Variants in ABLIM2 observed in about 807,000 individuals in gnomAD.
ABLIM2 encodes the protein actin binding LIM protein family member 2.
Under a neutral mutation model 97.7 loss-of-function variants are expected in ABLIM2, and 53 were observed. That is an observed-to-expected ratio of 0.54 (90% confidence interval 0.44 to 0.68). The LOEUF (loss-of-function observed/expected upper bound fraction) is 0.68. ABLIM2 is among the 30% of genes least tolerant of loss of function. The pLI is 0.00. For synonymous variants in ABLIM2, 361 were observed against 345.8 expected (o/e 1.04, Z -0.49); for missense variants, 835 against 867.2 (o/e 0.96, Z 0.47).
Position 8,061,207 on chromosome 4 carries a change from G to A in ABLIM2, c.676-153C>T, listed in dbSNP as rs1489160348. On this transcript the variant is annotated intron_variant, in intron 6 of 20. Transcript: ENST00000447017. This position sits in a 1 kb window ranked among gnomAD's most constrained non-coding sequence, Gnocchi z 4.5. The stretch of plus-strand genomic sequence containing the variant: ...CACCATCGGGACCCAAGACCCCTGA[G>A]CAGAGCCCAGACCCGGGGGTGCCCC... 8.8e-6 allele frequency among the ~76,000 whole-genome samples: 1 copy of A among 114,044 alleles called. No individual in the cohort carries two copies. The highest frequency in any genetic ancestry group is 1.7e-5 in the Non-Finnish European group (1 of 57,370). The allele number at this position is 114,044 out of a possible 152,430, so 74.8% of individuals were successfully genotyped here.
At chr4:8,052,865 C>T (rs1184449711) in intron 8 of ABLIM2, among the ~76,000 whole-genome samples, 1 of 152,224 alleles carries the variant, frequency 6.6e-6, no homozygotes, top group Non-Finnish European at 1.5e-5. Flanking sequence ...TCACTCAGGA[C>T]CCCCAAGGTA....
In ABLIM2 at chr4:7,983,651, C is replaced by A. The variant is rs570252438; in HGVS notation, c.1736-97G>T. 7.6e-6 allele frequency: 11 copies of A among 1,448,930 alleles called. No homozygotes were observed. The African/African-American group carries it at 8.4e-5, about 11-fold the overall frequency. The allele number at this position is 1,448,930 out of a possible 1,614,324, so 89.8% of individuals were successfully genotyped here. A position where few individuals can be genotyped will look rare whatever the true frequency, so the allele number is the denominator to read the frequency against. ...TCCCTGCCCTGGGGTACCCCTGTCT[C>A]CCCCCTGCAGTCACCTGGGCCATGC... On this transcript the variant is annotated intron_variant, in intron 18 of 20. Coordinates refer to ENST00000447017, the MANE Select transcript of ABLIM2 (RefSeq NM_001130083.2).
chr4:8,056,112 C>CAAAAAAAAAAAAAAAAAAAAAAAAAA (rs60992903), intron 7 of ABLIM2, among the ~76,000 whole-genome samples: 2 of 68,334 alleles, frequency 2.9e-5, no homozygotes, highest in African/African-American at 6.8e-5. Context: ...GACTCTGTCT[C>CAAAAAAAAAAAAAAAAAAAAAAAAAA]AAAAAAAAAA....
rs1052736162 is a variant in ABLIM2 at position 8,148,950 on chromosome 4, G to A, written c.10+9730C>T. ...ACCCGGGATCTGGAGGCACCAGGGA[G>A]AGTCCAGCTGTGCCAAGGCCCAGGG... On this transcript the variant is annotated intron_variant, in intron 1 of 20. Transcript: ENST00000447017. This position sits in a 1 kb window ranked among gnomAD's most constrained non-coding sequence, Gnocchi z 6.7. 2.0e-5 allele frequency among the ~76,000 whole-genome samples: 3 copies of A among 152,190 alleles called. No homozygotes were observed. The highest frequency in any genetic ancestry group is 7.2e-5 in the African/African-American group (3 of 41,462).
At chr4:8,096,667 T>C (rs1831755015) in intron 3 of ABLIM2, among the ~76,000 whole-genome samples, 2 of 152,216 alleles carry the variant, frequency 1.3e-5, no homozygotes, top group South Asian at 4.1e-4. Context: ...TTTCTCTTCT[T>C]TGTTTTCTAG....
chr4:8,127,630 G>A lies in ABLIM2; in HGVS notation c.11-20993C>T. On this transcript the variant is annotated intron_variant, in intron 1 of 20. Transcript: ENST00000447017. The surrounding 1 kb of genome is among the most constrained non-coding windows in gnomAD (Gnocchi z 7.3). ...GGCGGCTCTCCCTCTGCGTGGCTGG[G>A]CCTGGCACCCACGGAGGATCGGGCA... The A allele has an allele frequency of 7.8e-7, 1 of 1,288,600 alleles. No individual in the cohort carries two copies. Among genetic ancestry groups the A allele is most frequent in the Non-Finnish European group, 1.0e-6 (1 of 988,036 alleles). 79.8% of individuals were successfully genotyped at this position (1,288,600 alleles called of 1,614,324 possible). A position where few individuals can be genotyped will look rare whatever the true frequency, so the allele number is the denominator to read the frequency against.
chr4:8,088,176 G>T lies in ABLIM2; in HGVS notation c.447C>A (p.Gly149=). Residue 149 remains glycine (G), a synonymous_variant, in exon 4 of 21, where the codon GGC becomes GGA. Transcript: ENST00000447017. ...SVGSSAHLSQ[G]LRSCGGCGTE... ...CACTCAGCGCCCACTTACTTCGGAG[G>T]CCCTGGGACAGGTGCGCGCTGCTGC... 1 of 1,604,690 alleles carries T rather than the reference G, an allele frequency of 6.2e-7. No homozygotes were observed. The highest frequency in any genetic ancestry group is 8.5e-7 in the Non-Finnish European group (1 of 1,177,234).
chr4:8,156,791 C>G (rs1344879103), intron 1 of ABLIM2, among the ~76,000 whole-genome samples: 2 of 152,246 alleles, frequency 1.3e-5, no homozygotes, highest in Non-Finnish European at 2.9e-5. Context: ...CAGACATACA[C>G]AGTGGCCGGA....
In ABLIM2 at chr4:8,001,113, C is replaced by G. The variant is rs1756889775; in HGVS notation, c.1618+6946G>C. 6.6e-6 allele frequency among the ~76,000 whole-genome samples: 1 copy of G among 152,162 alleles called. No homozygotes were observed. Among genetic ancestry groups the G allele is most frequent in the South Asian group, 2.1e-4 (1 of 4,824 alleles). ...GTCCCCTCTCTGAGCCTTGGTGTGT[C>G]CATCTGAGGAAGACGGGCACCCCTC... On this transcript the variant is annotated intron_variant, in intron 16 of 20. Coordinates refer to ENST00000447017, the MANE Select transcript of ABLIM2 (RefSeq NM_001130083.2). The surrounding 1 kb of genome is among the most constrained non-coding windows in gnomAD (Gnocchi z 4.2).
At chr4:8,038,025 G>A (rs1422216846) in intron 9 of ABLIM2, among the ~76,000 whole-genome samples, 1 of 152,174 alleles carries the variant, frequency 6.6e-6, no homozygotes, top group African/African-American at 2.4e-5. Context: ...GCTGCCGGGG[G>A]CATTTTCCAG....
chr4:8,014,484 ATGTG>A (rs143407302), intron 14 of ABLIM2, among the ~76,000 whole-genome samples: 1 of 151,612 alleles, frequency 6.6e-6, no homozygotes, highest in Non-Finnish European at 1.5e-5. Flanking sequence ...GAGGGAGAGA[ATGTG>A]TGTGTGTGTG....
Position 8,068,571 on chromosome 4 carries a change from T to C in ABLIM2, c.676-7517A>G, listed in dbSNP as rs561837995. ...GCTTCTGGAGAATGGATCAGCCCTCTCTGCCATGAGCCCCTCACACCTGAG... is the reference window on the plus strand; with the variant it reads ...GCTTCTGGAGAATGGATCAGCCCTCCCTGCCATGAGCCCCTCACACCTGAG... On this transcript the variant is annotated intron_variant, in intron 6 of 20. Coordinates refer to ENST00000447017, the MANE Select transcript of ABLIM2 (RefSeq NM_001130083.2). This position sits in a 1 kb window ranked among gnomAD's most constrained non-coding sequence, Gnocchi z 4.5. 2.4e-4 allele frequency among the ~76,000 whole-genome samples: 36 copies of C among 152,340 alleles called. 1 individual carries two copies. In the South Asian group the frequency reaches 7.3e-3, roughly 31 times the overall value.
At chr4:8,088,343 C>A in intron 3 of ABLIM2, 59 bp from the exon 4 acceptor site, 1 of 1,428,514 alleles carries the variant, frequency 7.0e-7, no homozygotes, top group Admixed American at 1.9e-5. Context: ...TCTGGGGGAG[C>A]CCTGTCCCAG....
rs1314219630 is a variant in ABLIM2 at position 8,068,102 on chromosome 4, G to A, written c.676-7048C>T. Among the ~76,000 whole-genome samples the A allele has an allele frequency of 6.6e-6, 1 of 151,928 alleles. No homozygotes were observed. Among genetic ancestry groups the A allele is most frequent in the African/African-American group, 2.4e-5 (1 of 41,228 alleles). On this transcript the variant is annotated intron_variant, in intron 6 of 20. Coordinates refer to ENST00000447017, the MANE Select transcript of ABLIM2 (RefSeq NM_001130083.2). The surrounding 1 kb of genome is among the most constrained non-coding windows in gnomAD (Gnocchi z 4.5). ...CTGGGGCGTCCCAGTCATCGGTACA[G>A]TGGCCACATCCTCCCAATTGCCACC...
chr4:8,080,900 C>T, intron 4 of ABLIM2, 98 bp from the exon 5 acceptor site: 1 of 1,457,970 alleles, frequency 6.9e-7, no homozygotes. Flanking sequence ...CCTGGGGCAG[C>T]CGGGAGGGGC....
Position 8,045,197 on chromosome 4 carries a change from G to A in ABLIM2, c.867C>T (p.Ser289=), listed in dbSNP as rs1408101333. The A allele has an allele frequency of 1.9e-6, 3 of 1,613,882 alleles. No individual in the cohort carries two copies. Among genetic ancestry groups the A allele is most frequent in the Non-Finnish European group, 1.7e-6 (2 of 1,179,878 alleles). Residue 289 remains serine, a synonymous_variant, in exon 9 of 21, where the codon TCC becomes TCT. Transcript: ENST00000447017. ...SSESIISVPA[S]STSGSPSRVI... ...CACGGCTCGGAGACCCTGAGGTGCTGGAAGCAGGGACAGAAATGATGCTCT... is the reference window on the plus strand; with the variant it reads ...CACGGCTCGGAGACCCTGAGGTGCTAGAAGCAGGGACAGAAATGATGCTCT...
At chr4:7,978,894 AGGC>A (rs1735775449) in intron 20 of ABLIM2, among the ~76,000 whole-genome samples, 1 of 152,146 alleles carries the variant, frequency 6.6e-6, no homozygotes. Flanking sequence ...TGGTAGGCAG[AGGC>A]TACCCAAGAG....
At chr4:7,985,924 C>T (rs1480520260) in intron 17 of ABLIM2, among the ~76,000 whole-genome samples, 1 of 152,278 alleles carries the variant, frequency 6.6e-6, no homozygotes, top group Admixed American at 6.5e-5. Context: ...TGAACCCCCA[C>T]AGGGGTCGGG....
At chr4:8,010,443 C>G in intron 14 of ABLIM2, 2 of 985,856 alleles carry the variant, frequency 2.0e-6, no homozygotes, top group Non-Finnish European at 2.4e-6. Flanking sequence ...CAGCGGGCGG[C>G]GGGCTCGGGC....
Sources: allele counts gnomAD v4.1 joint callset (sites outside exome capture counted in the v4.1 genomes callset), GRCh38; gene constraint gnomAD v4.1.1; non-coding constraint Gnocchi (gnomAD v3.1); transcripts MANE v1.5; gene names NCBI Gene and HGNC (gene_info 2026-07-23, HGNC 2026-07-21).